CPNE8: variants seen among roughly 807,000 people sequenced by gnomAD.
The protein encoded by CPNE8 is copine 8.
Under a neutral mutation model 81.5 loss-of-function variants are expected in CPNE8, and 45 were observed. The observed-to-expected ratio is 0.55, with a 90% confidence interval of 0.44 to 0.71. The LOEUF is 0.71. Among genes scored for constraint, CPNE8 ranks in the 30% least tolerant of loss-of-function variants. The probability of loss-of-function intolerance (pLI) is 0.00; values close to 1 mark genes in which losing one functional copy is unlikely to be tolerated. For missense variants in CPNE8, 594 were observed against 672.1 expected (o/e 0.88, Z 1.28); for synonymous variants, 252 against 226.3 (o/e 1.11, Z -1.02).
At chr12:38,824,048 T>C (rs1342457460) in intron 6 of CPNE8, among the ~76,000 whole-genome samples, 1 of 152,158 alleles carries the variant, frequency 6.6e-6, no homozygotes, top group Non-Finnish European at 1.5e-5. Flanking sequence ...TAGGATGGAA[T>C]TCAGATGAGA....
At chr12:38,661,806 C>A (rs1260527274) in intron 19 of CPNE8, among the ~76,000 whole-genome samples, 2 of 151,278 alleles carry the variant, frequency 1.3e-5, no homozygotes, top group African/African-American at 4.9e-5. Context: ...GATTATACAC[C>A]ATGATCAAGT....
chr12:38,793,580 A>C lies in CPNE8; in HGVS notation c.408-17279T>G, dbSNP rs190214749. 1.7e-3 allele frequency among the ~76,000 whole-genome samples: 266 copies of C among 152,078 alleles called. 2 individuals carry two copies. Among genetic ancestry groups the C allele is most frequent in the Non-Finnish European group, 4.4e-4 (30 of 67,862 alleles). On this transcript the variant is annotated intron_variant, in intron 6 of 19. Coordinates refer to ENST00000331366, the MANE Select transcript of CPNE8 (RefSeq NM_153634.3). ...TGAAAGAAATTAAAGGCACAGATAA[A>C]TGTTAAGACATCTCATGTTCATAGA...
At chr12:38,826,960 G>T (rs1368978075) in intron 6 of CPNE8, among the ~76,000 whole-genome samples, 2 of 149,136 alleles carry the variant, frequency 1.3e-5, no homozygotes, top group African/African-American at 5.0e-5. Context: ...ACGAGGTCAG[G>T]AGTTCGAGAC....
chr12:38,842,569 C>CTTTTTTTT (rs769891980), intron 4 of CPNE8, among the ~76,000 whole-genome samples: 5 of 110,820 alleles, frequency 4.5e-5, no homozygotes, highest in Non-Finnish European at 3.6e-5. Context: ...AACATTTTTC[C>CTTTTTTTT]TTTTTTTTTT....
intron 10 of CPNE8, among the ~76,000 whole-genome samples, chr12:38,759,730 C>A (rs1484661313): frequency 6.6e-6 from 1 of 152,030 alleles, no homozygotes; most frequent in African/African-American, 2.4e-5. Flanking sequence ...CTTATCACTT[C>A]TTGAAAGAAA....
At chr12:38,708,387 T>G (rs1940167079) in intron 13 of CPNE8, among the ~76,000 whole-genome samples, 1 of 145,136 alleles carries the variant, frequency 6.9e-6, no homozygotes, top group South Asian at 2.2e-4. Context: ...AAAAAAAAAA[T>G]CCAAATTTAT....
chr12:38,731,676 G>T (rs1234395168), intron 10 of CPNE8, among the ~76,000 whole-genome samples: 3 of 151,702 alleles, frequency 2.0e-5, no homozygotes. Flanking sequence ...TATGTTAATA[G>T]CAAAAAGAAT....
chr12:38,811,329 C>A (rs377662466), intron 6 of CPNE8, among the ~76,000 whole-genome samples: 17 of 151,886 alleles, frequency 1.1e-4, no homozygotes, highest in African/African-American at 3.9e-4. Flanking sequence ...GACTAAACTA[C>A]AACAAAAAAA....
chr12:38,835,755 A>C (rs1463327191), intron 5 of CPNE8, among the ~76,000 whole-genome samples: 1 of 152,170 alleles, frequency 6.6e-6, no homozygotes. Context: ...AATATAACTG[A>C]TCTGTATGTG....
intron 6 of CPNE8, among the ~76,000 whole-genome samples, chr12:38,816,670 T>C (rs1197811055): frequency 6.6e-6 from 1 of 152,248 alleles, no homozygotes; most frequent in Non-Finnish European, 1.5e-5. Flanking sequence ...AGAAATTGTA[T>C]ATTTATTTTA....
chr12:38,846,053 C>A (rs556394993), intron 4 of CPNE8, among the ~76,000 whole-genome samples: 10 of 152,128 alleles, frequency 6.6e-5, no homozygotes, highest in Admixed American at 2.0e-4. Flanking sequence ...AAAATATATC[C>A]ATTTACTTAA....
intron 10 of CPNE8, among the ~76,000 whole-genome samples, chr12:38,739,154 T>C (rs778150420): frequency 1.3e-5 from 2 of 152,186 alleles, no homozygotes; most frequent in Non-Finnish European, 2.9e-5. Flanking sequence ...ACAAACTTCT[T>C]AGATTTTGTG....
At chr12:38,835,046 C>T (rs1291193919) in intron 5 of CPNE8, among the ~76,000 whole-genome samples, 1 of 152,014 alleles carries the variant, frequency 6.6e-6, no homozygotes, top group Non-Finnish European at 1.5e-5. Context: ...GCCACCATGC[C>T]CATCTAATTT....
intron 10 of CPNE8, among the ~76,000 whole-genome samples, chr12:38,757,267 C>A (rs1941480765): frequency 6.6e-6 from 1 of 151,812 alleles, no homozygotes; most frequent in South Asian, 2.1e-4. Flanking sequence ...AGGAAACAGT[C>A]TCTGTTGATC....
intron 10 of CPNE8, among the ~76,000 whole-genome samples, chr12:38,743,131 T>C (rs1941147851): frequency 6.6e-6 from 1 of 152,080 alleles, no homozygotes; most frequent in Non-Finnish European, 1.5e-5. Context: ...ATCATAAATA[T>C]TAATCATAGA....
intron 3 of CPNE8, among the ~76,000 whole-genome samples, chr12:38,866,272 C>A (rs1203329056): frequency 6.6e-6 from 1 of 152,230 alleles, no homozygotes; most frequent in African/African-American, 2.4e-5. Flanking sequence ...TATTGTGAGA[C>A]TCCTTCCAAT....
intron 13 of CPNE8, among the ~76,000 whole-genome samples, chr12:38,703,895 G>GA (rs1277773894): frequency 5.9e-5 from 9 of 152,000 alleles, no homozygotes; most frequent in African/African-American, 2.2e-4. Flanking sequence ...CCGAGGGAGT[G>GA]AAAATCTAAC....
At chr12:38,839,121 A>G (rs1421341659) in intron 5 of CPNE8, among the ~76,000 whole-genome samples, 1 of 152,134 alleles carries the variant, frequency 6.6e-6, no homozygotes, top group Non-Finnish European at 1.5e-5. Flanking sequence ...CACCTCAGTT[A>G]TCTCCTTTCA....
chr12:38,729,423 T>C (rs1940781219), intron 11 of CPNE8, among the ~76,000 whole-genome samples: 2 of 152,050 alleles, frequency 1.3e-5, no homozygotes, highest in African/African-American at 4.8e-5. Context: ...ACATATTTTA[T>C]ATCTGTCTCT....
Sources: gnomAD v4.1 joint callset for allele counts (sites outside exome capture counted in the v4.1 genomes callset) on GRCh38, gnomAD v4.1.1 for gene constraint, MANE v1.5 for transcripts, NCBI Gene and HGNC (gene_info 2026-07-23, HGNC 2026-07-21) for gene names.